Variants in ASB11 observed in about 807,000 individuals in gnomAD.
ASB11 encodes the protein ankyrin repeat and SOCS box containing 11, also known as ankyrin repeat and SOCS box protein 11.
A neutral mutation model predicts 20.1 loss-of-function variants in ASB11; 17 were observed. That is an observed-to-expected ratio of 0.85 (90% CI 0.58 to 1.27). The LOEUF (loss-of-function observed/expected upper bound fraction) is 1.27. ASB11 is among the 50% of genes most tolerant of loss of function. The pLI is 0.00. For synonymous variants in ASB11, 107 were observed against 105.6 expected, an observed-to-expected ratio of 1.01 and a Z score of -0.08; for missense variants, 259 against 256.9, an observed-to-expected ratio of 1.01 and a Z score of -0.06.
At chrX:15,292,627 A>T (rs5935931) in intron 4 of ASB11, among the ~76,000 whole-genome samples, 40,556 of 111,371 alleles carry the variant, frequency 0.36, 5,332 homozygotes, top group South Asian at 0.56. Context: ...TTTTCTTTTC[A>T]ATAACTATGA....
intron 1 of ASB11, among the ~76,000 whole-genome samples, chrX:15,304,677 A>C (rs1342472641): frequency 8.9e-6 from 1 of 112,143 alleles, no homozygotes; most frequent in Non-Finnish European, 1.9e-5. Context: ...TAGGAGTTCG[A>C]GACCAGCCTG....
chrX:15,289,883 G>T (rs936069838), intron 4 of ASB11: 6 of 248,612 alleles, frequency 2.4e-5, no homozygotes, highest in Non-Finnish European at 3.6e-5. Context: ...AATTAGCTGG[G>T]CATGGTGGCA....
chrX:15,302,619 T>C lies in ASB11; in HGVS notation c.261+109A>G, dbSNP rs58066751. 2,811 of 750,109 alleles carry C rather than the reference T, an allele frequency of 3.7e-3. 44 individuals are homozygous for C. In the African/African-American group the frequency reaches 0.051, roughly 14 times the overall value. The allele number at this position is 750,109 out of a possible 1,213,427, so 61.8% of individuals were successfully genotyped here. ...AGGACATACGTGCCTCGAATGGCAA[T>C]GGTGGGACCTGGATAGGGTGAGCCA... On this transcript the variant is annotated intron_variant, in intron 2 of 6. Transcript: ENST00000480796.
chrX:15,315,402 G>C, intron 1 of ASB11, 23 bp downstream of exon 1: 1 of 1,042,838 alleles, frequency 9.6e-7, no homozygotes, highest in Non-Finnish European at 1.2e-6. Context: ...TTAAATATTA[G>C]GAACAAATTC....
In ASB11 at chrX:15,293,287, G is replaced by C; in HGVS notation, c.403C>G (p.Leu135Val). ...NGVTVHGATP[L>V]FNACCSGSAA... ...CTGCCGCTGCAGCAAGCATTGAAGA[G>C]GGGTGTGGCTCCGTGAACTGTCACT... The change falls in exon 4 of 7, where the codon CTC (leucine) becomes GTC (valine). Residue 135 changes from leucine to valine, a missense_variant. Transcript: ENST00000480796. 3.3e-6 allele frequency: 4 copies of C among 1,211,096 alleles called. No individual in the cohort carries two copies. The highest frequency in any genetic ancestry group is 4.5e-6 in the Non-Finnish European group (4 of 895,209).
chrX:15,297,974 A>C (rs1244570626), intron 2 of ASB11, among the ~76,000 whole-genome samples: 1 of 112,646 alleles, frequency 8.9e-6, no homozygotes, highest in African/African-American at 3.2e-5. Context: ...GAGCCTAAAG[A>C]CAGCATGACA....
rs61756318 is a variant in ASB11 at position 15,287,880 on chromosome X, C to T, written c.847+1G>A. Reference sequence around the variant, plus strand: ...GGAATGGATACCCAGCCCTTGGTTACCTTCACGGAGCAAGAGTGCCTGCTC... The same window carrying T: ...GGAATGGATACCCAGCCCTTGGTTATCTTCACGGAGCAAGAGTGCCTGCTC... On this transcript the variant is annotated splice_donor_variant, in intron 6 of 6. Coordinates refer to ENST00000480796, the MANE Select transcript of ASB11 (RefSeq NM_080873.3). LOFTEE classifies it high-confidence loss of function. 14 of 1,198,896 alleles carry T rather than the reference C, an allele frequency of 1.2e-5. No individual in the cohort carries two copies. Among genetic ancestry groups the T allele is most frequent in the African/African-American group, 1.7e-5 (1 of 57,190 alleles).
At chrX:15,304,353 G>T (rs777272933) in intron 1 of ASB11, among the ~76,000 whole-genome samples, 1 of 112,530 alleles carries the variant, frequency 8.9e-6, no homozygotes, top group Non-Finnish European at 1.9e-5. Flanking sequence ...GAAAATGGGG[G>T]AAACTTGAAT....
chrX:15,301,572 C>A (rs1921071080), intron 2 of ASB11, among the ~76,000 whole-genome samples: 1 of 111,264 alleles, frequency 9.0e-6, no homozygotes, highest in African/African-American at 3.3e-5. Context: ...GAGCAGTGCA[C>A]CCAGTGGTTT....
rs1168271952 is a variant in ASB11 at position 15,305,469 on chromosome X, A to G, written c.182-2662T>C. ...TGATCCTTTTGCTATAAAGGACATTATTAGGACCGTTGGCTAAACATGAAT... is the reference window on the plus strand; with the variant it reads ...TGATCCTTTTGCTATAAAGGACATTGTTAGGACCGTTGGCTAAACATGAAT... On this transcript the variant is annotated intron_variant, in intron 1 of 6. Transcript: ENST00000480796. 2.7e-5 allele frequency among the ~76,000 whole-genome samples: 3 copies of G among 111,755 alleles called. No individual in the cohort carries two copies. In the Admixed American group the frequency reaches 2.9e-4, roughly 11 times the overall value.
intron 1 of ASB11, among the ~76,000 whole-genome samples, chrX:15,314,057 CAAAAAAAAA>C: frequency 2.9e-5 from 1 of 34,179 alleles, no homozygotes; most frequent in African/African-American, 1.1e-4. Context: ...GACTCCATCT[CAAAAAAAAA>C]AAAAAAAAAA....
At chrX:15,284,200 C>T (rs1199769940) in intron 6 of ASB11, among the ~76,000 whole-genome samples, 1 of 99,946 alleles carries the variant, frequency 1.0e-5, no homozygotes. Context: ...TGCAGTGAGC[C>T]GAGATCGGGC....
chrX:15,310,694 A>G (rs1041065794), intron 1 of ASB11, among the ~76,000 whole-genome samples: 1 of 112,745 alleles, frequency 8.9e-6, no homozygotes, highest in Non-Finnish European at 1.9e-5. Context: ...TTATTTAAAA[A>G]GATGACCCAA....
chrX:15,286,024 T>C (rs1478574673), intron 6 of ASB11, among the ~76,000 whole-genome samples: 1 of 109,173 alleles, frequency 9.2e-6, no homozygotes, highest in Non-Finnish European at 1.9e-5. Flanking sequence ...ATAATAATAA[T>C]AACAATAATA....
Position 15,313,812 on chromosome X carries a change from G to A in ASB11, c.181+1613C>T, listed in dbSNP as rs768076405. On this transcript the variant is annotated intron_variant, in intron 1 of 6. Coordinates refer to ENST00000480796, the MANE Select transcript of ASB11 (RefSeq NM_080873.3). ...CACGCCTGTAATCCCAGCACTTTGC[G>A]AGGCCGAGGCGGGCGGATCATGAGG... Among the ~76,000 whole-genome samples the A allele has an allele frequency of 3.0e-3, 339 of 111,257 alleles. 2 individuals are homozygous for A. Among genetic ancestry groups the A allele is most frequent in the Non-Finnish European group, 5.2e-3 (273 of 53,003 alleles).
intron 1 of ASB11, among the ~76,000 whole-genome samples, chrX:15,309,499 A>G (rs1222633579): frequency 1.8e-5 from 2 of 110,400 alleles, no homozygotes; most frequent in Non-Finnish European, 3.8e-5. Context: ...ACAATGTAAT[A>G]ATAATACAAA....
chrX:15,314,641 A>G, intron 1 of ASB11: 1 of 770,219 alleles, frequency 1.3e-6, no homozygotes, highest in East Asian at 4.2e-5. Flanking sequence ...AGAATGATGT[A>G]ATCCTGGAAC....
Position 15,305,597 on chromosome X carries a change from T to TTAGATAGATAGA in ASB11, c.182-2802_182-2791dup, listed in dbSNP as rs74919898. Among the ~76,000 whole-genome samples, 979 of 98,523 alleles carry TTAGATAGATAGA rather than the reference T, an allele frequency of 9.9e-3. 4 individuals are homozygous for TTAGATAGATAGA. The highest frequency in any genetic ancestry group is 0.01 in the Non-Finnish European group (499 of 49,164). The allele number at this position is 98,523 out of a possible 115,157, so 85.6% of individuals were successfully genotyped here. On this transcript the variant is annotated intron_variant, in intron 1 of 6. Transcript: ENST00000480796. ...AACATTTTAACAAGAAAAAAAAAGA[T>TTAGATAGATAGA]TAGATAGATAGATAGATAGATAGAT... is the stretch of plus-strand genomic sequence containing the variant.
intron 6 of ASB11, 82 bp from the exon 7 acceptor site, chrX:15,283,711 C>G: frequency 9.2e-7 from 1 of 1,084,367 alleles, no homozygotes; most frequent in Non-Finnish European, 1.3e-6. Context: ...CTGGAAGAGG[C>G]GGAAATTTTC....
Sources: allele counts gnomAD v4.1 joint callset (sites outside exome capture counted in the v4.1 genomes callset), GRCh38; gene constraint gnomAD v4.1.1; transcripts MANE v1.5; gene names NCBI Gene and HGNC (gene_info 2026-07-23, HGNC 2026-07-21).